The following RBM26 variants were observed in gnomAD, a reference collection of about 807,000 sequenced individuals.
RBM26 encodes RNA-binding protein 26.
Under a neutral mutation model 123.6 loss-of-function variants are expected in RBM26, and 30 were observed. The ratio of observed to expected loss-of-function variants is 0.24; its 90% CI spans 0.18 to 0.33. The LOEUF (loss-of-function observed/expected upper bound fraction) is 0.33, where lower values mean the gene tolerates loss of function less well. Ranked by LOEUF, RBM26 falls within the 10% of genes least tolerant of loss-of-function variation. The pLI is 1.00. For synonymous variants in RBM26, 400 were observed against 404.4 expected (o/e 0.99, Z 0.13); for missense variants, 947 against 1,203.6 (o/e 0.79, Z 3.15).
At chr13:79,373,622 T>C (rs1258932373) in intron 3 of RBM26, among the ~76,000 whole-genome samples, 2 of 105,616 alleles carry the variant, frequency 1.9e-5, no homozygotes, top group African/African-American at 7.6e-5. Context: ...TTATATATTA[T>C]ATATTACTAT....
At chr13:79,401,362 G>GT (rs911938118) in intron 1 of RBM26, among the ~76,000 whole-genome samples, 28 of 152,116 alleles carry the variant, frequency 1.8e-4, no homozygotes, top group Admixed American at 1.2e-3. Flanking sequence ...AGTATATGCA[G>GT]TAACAGAAAA....
At chr13:79,361,712 T>C (rs767259946) in intron 9 of RBM26, among the ~76,000 whole-genome samples, 56 of 152,214 alleles carry the variant, frequency 3.7e-4, no homozygotes, top group Non-Finnish European at 6.6e-4. Context: ...TCTGCAGCTT[T>C]TGGGCTTCAT....
At chr13:79,316,192 G>GGTGTGTGTGTGTGTGTGTGT (rs3064578), downstream of RBM26, among the ~76,000 whole-genome samples, 379 of 142,080 alleles carry the variant, frequency 2.7e-3, 2 homozygotes, top group African/African-American at 7.8e-3. Flanking sequence ...AAGTGGGGCA[G>GGTGTGTGTGTGTGTGTGTGT]GTGTGTGTGT....
chr13:79,313,021 AAAAC>A (rs1173537767), exon 5 of RBM26: 3 of 151,892 alleles, frequency 2.0e-5, no homozygotes, highest in Admixed American at 1.3e-4. Flanking sequence ...CTCTATTAAA[AAAAC>A]AAATATAGCA....
intron 1 of RBM26, among the ~76,000 whole-genome samples, chr13:79,394,179 C>A (rs2078351060): frequency 6.6e-6 from 1 of 152,252 alleles, no homozygotes; most frequent in African/African-American, 2.4e-5. Flanking sequence ...CAAACACTAA[C>A]TGGAACTGCC....
chr13:79,382,176 A>G (rs1179300584), intron 1 of RBM26, among the ~76,000 whole-genome samples: 1 of 152,116 alleles, frequency 6.6e-6, no homozygotes, highest in Non-Finnish European at 1.5e-5. Flanking sequence ...GATGTTATGC[A>G]AAGTCAATTA....
chr13:79,382,595 T>C (rs2077149004), intron 1 of RBM26, among the ~76,000 whole-genome samples: 2 of 152,020 alleles, frequency 1.3e-5, no homozygotes, highest in African/African-American at 4.8e-5. Flanking sequence ...AAGCAAAAAC[T>C]ACAAAATAAG....
chr13:79,388,582 C>T (rs1303481727), intron 1 of RBM26, among the ~76,000 whole-genome samples: 1 of 152,172 alleles, frequency 6.6e-6, no homozygotes. Flanking sequence ...CTCACGATTC[C>T]TCCAAACTTC....
At chr13:79,342,984 C>T (rs1053402680) in intron 16 of RBM26, among the ~76,000 whole-genome samples, 153 bp from the exon 17 acceptor site, 7 of 133,722 alleles carry the variant, frequency 5.2e-5, no homozygotes, top group African/African-American at 1.7e-4. Flanking sequence ...ATCTAAAGAT[C>T]GCAGAATAGC....
chr13:79,369,023 C>T (rs773958212), intron 5 of RBM26, 33 bp from the exon 6 acceptor site: 12 of 1,355,660 alleles, frequency 8.9e-6, no homozygotes, highest in South Asian at 3.3e-5. Flanking sequence ...TATAAAACTA[C>T]ACTGTATTAA....
chr13:79,348,159 C>T (rs181539592), intron 14 of RBM26, among the ~76,000 whole-genome samples: 2 of 152,146 alleles, frequency 1.3e-5, no homozygotes, highest in Non-Finnish European at 2.9e-5. Flanking sequence ...TGGACATTTG[C>T]TAATATTTTC....
intron 1 of RBM26, among the ~76,000 whole-genome samples, chr13:79,383,912 G>A (rs1364053121): frequency 6.6e-6 from 1 of 152,166 alleles, no homozygotes; most frequent in Non-Finnish European, 1.5e-5. Flanking sequence ...GAATGGAAAT[G>A]GAATGCAAAT....
chr13:79,363,176 G>C (rs1050521853), intron 9 of RBM26, among the ~76,000 whole-genome samples: 4 of 152,082 alleles, frequency 2.6e-5, no homozygotes, highest in Admixed American at 6.6e-5. Context: ...CTTTCCTTTT[G>C]CTGAATAATT....
intron 1 of RBM26, among the ~76,000 whole-genome samples, chr13:79,392,021 A>T (rs1160754648): frequency 3.8e-5 from 2 of 52,068 alleles, no homozygotes; most frequent in Non-Finnish European, 1.2e-4. Flanking sequence ...ATTATACATT[A>T]TTATATAATT....
chr13:79,354,158 T>C (rs1461667349), intron 13 of RBM26, among the ~76,000 whole-genome samples: 3 of 152,088 alleles, frequency 2.0e-5, no homozygotes, highest in Non-Finnish European at 2.9e-5. Context: ...TTTGCTGACA[T>C]GTATCTCCTC....
chr13:79,378,949 C>T (rs2076859721), intron 1 of RBM26, 42 bp from the exon 2 acceptor site: 6 of 1,175,394 alleles, frequency 5.1e-6, no homozygotes, highest in Non-Finnish European at 6.3e-6. Context: ...TAGCCAACTG[C>T]ACATTCTACA....
intron 14 of RBM26, among the ~76,000 whole-genome samples, chr13:79,347,229 G>A (rs1022413926): frequency 5.4e-5 from 6 of 110,824 alleles, no homozygotes; most frequent in Admixed American, 1.6e-4. Context: ...GAACATCCAC[G>A]AATGTGACTC....
rs753846610 is a variant in RBM26, at chr13:79,405,690, C to A, written c.71+14G>T. On this transcript the variant is annotated intron_variant, in intron 1 of 21. Transcript: ENST00000438737. ...ACTGCCATCCCTGCAAAGAGATATC[C>A]CCCGGATACTCACATGGGCTCGAGA... is the stretch of plus-strand genomic sequence containing the variant. The A allele has an allele frequency of 6.4e-7, 1 of 1,571,078 alleles. No homozygotes were observed.
chr13:79,348,572 C>A (rs1004928377), intron 14 of RBM26, among the ~76,000 whole-genome samples: 2 of 152,020 alleles, frequency 1.3e-5, no homozygotes, highest in Non-Finnish European at 2.9e-5. Flanking sequence ...GCCACACTCA[C>A]AATAAATAGC....
Sources: allele counts gnomAD v4.1 joint callset (sites outside exome capture counted in the v4.1 genomes callset), GRCh38; gene constraint gnomAD v4.1.1; transcripts MANE v1.5; gene names NCBI Gene and HGNC (gene_info 2026-07-23, HGNC 2026-07-21).